TBL1XR1: variants seen among roughly 807,000 people sequenced by gnomAD.
TBL1XR1 encodes the protein F-box-like/WD repeat-containing protein TBL1XR1.
In TBL1XR1, 5 loss-of-function variants were observed where a neutral mutation model predicts 66.9. The ratio of observed to expected loss-of-function variants is 0.07; its 90% CI spans 0.04 to 0.16. The LOEUF is 0.16. TBL1XR1 is among the 10% of genes least tolerant of loss of function. The pLI, the probability that TBL1XR1 is intolerant of heterozygous loss-of-function variation, is 1.00. For synonymous variants in TBL1XR1, 210 were observed against 206.0 expected, an observed-to-expected ratio of 1.02 and a Z score of -0.17; for missense variants, 238 against 623.2, an observed-to-expected ratio of 0.38 and a Z score of 6.58.
intron 1 of TBL1XR1, among the ~76,000 whole-genome samples, chr3:177,156,149 G>T: frequency 9.6e-6 from 1 of 104,142 alleles, no homozygotes. Flanking sequence ...ATGAAAACGT[G>T]AAACTTCTAC....
intron 1 of TBL1XR1, among the ~76,000 whole-genome samples, chr3:177,119,995 T>C (rs1726791309): frequency 6.6e-6 from 1 of 152,192 alleles, no homozygotes. Context: ...GTGAATCTAG[T>C]TATACTCCAG....
intron 1 of TBL1XR1, among the ~76,000 whole-genome samples, chr3:177,101,261 T>G (rs1033319749): frequency 1.1e-4 from 17 of 152,192 alleles, no homozygotes; most frequent in Non-Finnish European, 1.2e-4. Flanking sequence ...ATTGGCTTGT[T>G]TCTTAACTAT....
At chr3:177,154,397 C>CT (rs1560236366) in intron 1 of TBL1XR1, among the ~76,000 whole-genome samples, 7 of 117,894 alleles carry the variant, frequency 5.9e-5, no homozygotes, top group Non-Finnish European at 8.2e-5. Flanking sequence ...TAGAAATTGA[C>CT]AAACTTTTTT....
intron 1 of TBL1XR1, among the ~76,000 whole-genome samples, chr3:177,142,563 C>G (rs1729754996): frequency 6.6e-6 from 1 of 152,140 alleles, no homozygotes; most frequent in Admixed American, 6.5e-5. Flanking sequence ...AAAGTCCAAG[C>G]CCCAACTCTG....
intron 2 of TBL1XR1, among the ~76,000 whole-genome samples, chr3:177,092,715 C>CA (rs1264238817): frequency 7.6e-6 from 1 of 131,002 alleles, no homozygotes; most frequent in Non-Finnish European, 1.7e-5. Context: ...AGAAGTTTTT[C>CA]AAGGAAAAAA....
chr3:177,047,644 G>T (rs1716500731), intron 7 of TBL1XR1, 95 bp from the exon 8 acceptor site: 4 of 1,364,604 alleles, frequency 2.9e-6, no homozygotes, highest in African/African-American at 1.5e-5. Context: ...GTACAGAAGA[G>T]AATGAAGACA....
At chr3:177,025,693 C>T (rs1713010758) in intron 15 of TBL1XR1, among the ~76,000 whole-genome samples, 169 bp from the exon 16 acceptor site, 1 of 152,104 alleles carries the variant, frequency 6.6e-6, no homozygotes, top group Non-Finnish European at 1.5e-5. Context: ...TCAGACAGAT[C>T]ATTTAAGCAG....
chr3:177,144,514 G>A, intron 1 of TBL1XR1, among the ~76,000 whole-genome samples: 1 of 151,976 alleles, frequency 6.6e-6, no homozygotes, highest in East Asian at 1.9e-4. Flanking sequence ...AGCACTTTGG[G>A]AGGCCAAGGC....
intron 1 of TBL1XR1, among the ~76,000 whole-genome samples, chr3:177,125,529 A>C (rs1435605161): frequency 2.0e-5 from 3 of 152,192 alleles, no homozygotes; most frequent in Admixed American, 6.5e-5. Context: ...ATGAATTAAC[A>C]GGATTTTAAA....
Position 177,053,754 on chromosome 3 carries a change from T to G in TBL1XR1, c.204+19A>C. 1 of 1,605,478 alleles carries G rather than the reference T, an allele frequency of 6.2e-7. No homozygotes were observed. Among genetic ancestry groups the G allele is most frequent in the South Asian group, 1.1e-5 (1 of 90,480 alleles). ...ATTTAAGATGAAAAAAATCAGTATT[T>G]GAAATAAGTCTTCCTTACCTCATTA... On this transcript the variant is annotated intron_variant, in intron 4 of 15. Transcript: ENST00000457928.
At position 177,019,500 on chromosome 3, in the gene TBL1XR1, G is replaced by C; in HGVS notation, c.*5998C>G. 1 of 152,144 alleles carries C rather than the reference G, an allele frequency of 6.6e-6. No homozygotes were observed. The highest frequency in any genetic ancestry group is 1.5e-5 in the Non-Finnish European group (1 of 68,020). The allele number at this position is 152,144 out of a possible 1,614,324, so 9.4% of individuals were successfully genotyped here. ...ATTTAAGAAGCATGCAGAAAAAGTA[G>C]CATAGGGTTAACATTTCATTGATGA... On this transcript the variant is annotated 3_prime_UTR_variant, in exon 16 of 16. Transcript: ENST00000457928.
chr3:177,043,257 C>T (rs1365285001), intron 10 of TBL1XR1, among the ~76,000 whole-genome samples: 1 of 152,184 alleles, frequency 6.6e-6, no homozygotes, highest in Admixed American at 6.5e-5. Flanking sequence ...GAGAAGAATA[C>T]TAAAGTCTTC....
chr3:177,097,307 AG>A (rs1723621801), intron 2 of TBL1XR1, among the ~76,000 whole-genome samples: 1 of 152,240 alleles, frequency 6.6e-6, no homozygotes, highest in African/African-American at 2.4e-5. Flanking sequence ...TCTTTAAAAA[AG>A]TAAAAATTCA....
intron 1 of TBL1XR1, among the ~76,000 whole-genome samples, chr3:177,146,289 G>A (rs952605711): frequency 6.6e-6 from 1 of 151,822 alleles, no homozygotes; most frequent in Non-Finnish European, 1.5e-5. Context: ...CATATGATAT[G>A]CTTTGTTTGT....
At chr3:177,025,894 T>A in intron 15 of TBL1XR1, 1 of 287,774 alleles carries the variant, frequency 3.5e-6, no homozygotes, top group Non-Finnish European at 6.5e-6. Flanking sequence ...TTTCCCACCT[T>A]CTGGTGCTTC....
intron 1 of TBL1XR1, among the ~76,000 whole-genome samples, chr3:177,112,099 ATATATATATTT>A (rs1361435490): frequency 2.9e-3 from 141 of 49,176 alleles, no homozygotes; most frequent in African/African-American, 0.018. Flanking sequence ...ATATATATAT[ATATATATATTT>A]TTTTTTTTTT....
chr3:177,139,094 G>A (rs1412748885), intron 1 of TBL1XR1, among the ~76,000 whole-genome samples: 1 of 152,148 alleles, frequency 6.6e-6, no homozygotes, highest in African/African-American at 2.4e-5. Context: ...GGAACATACA[G>A]AAATCAGCGA....
intron 3 of TBL1XR1, 106 bp from the exon 4 acceptor site, chr3:177,054,024 T>C: frequency 4.8e-6 from 6 of 1,239,838 alleles, no homozygotes; most frequent in East Asian, 2.4e-5. Context: ...ATCCTACCCA[T>C]TTAAAATCCC....
intron 1 of TBL1XR1, among the ~76,000 whole-genome samples, chr3:177,138,642 C>T (rs191473256): frequency 2.0e-5 from 3 of 152,056 alleles, no homozygotes; most frequent in African/African-American, 7.2e-5. Flanking sequence ...CCAGGTAAGG[C>T]TTTCTGTGAG....
Sources: allele counts gnomAD v4.1 joint callset (sites outside exome capture counted in the v4.1 genomes callset), GRCh38; gene constraint gnomAD v4.1.1; transcripts MANE v1.5; gene names NCBI Gene and HGNC (gene_info 2026-07-23, HGNC 2026-07-21).